Variants in VPS51 observed in about 807,000 individuals in gnomAD.
The protein encoded by VPS51 is vacuolar protein sorting-associated protein 51 homolog.
In VPS51, 55 loss-of-function variants were observed where a neutral mutation model predicts 65.1. The ratio of observed to expected loss-of-function variants is 0.84; its 90% CI spans 0.68 to 1.06. The LOEUF is 1.06. Ranked by LOEUF, VPS51 falls within the 50% of genes least tolerant of loss-of-function variation. VPS51 has a pLI of 0.00. For missense variants in VPS51, 943 were observed against 1,101.6 expected (o/e 0.86, Z 2.04); for synonymous variants, 473 against 489.5 (o/e 0.97, Z 0.44).
intron 7 of VPS51, 162 bp from the exon 8 acceptor site, chr11:65,110,320 T>G: frequency 8.0e-7 from 1 of 1,253,344 alleles, no homozygotes; most frequent in Admixed American, 2.0e-5. Flanking sequence ...CTCCACTGGT[T>G]CTATAAATAG....
chr11:65,098,766 A>T (rs1344896719), intron 2 of VPS51, among the ~76,000 whole-genome samples: 1 of 152,242 alleles, frequency 6.6e-6, no homozygotes, highest in Non-Finnish European at 1.5e-5. Context: ...GAATTTAATA[A>T]GATTACATTT....
intron 2 of VPS51, among the ~76,000 whole-genome samples, chr11:65,097,862 AAAG>A (rs1947781455): frequency 6.6e-6 from 1 of 151,702 alleles, no homozygotes. Context: ...GTCTCAAAAA[AAAG>A]AAAGTATCTA....
chr11:65,109,215 A>G, intron 5 of VPS51, 65 bp from the exon 6 acceptor site: 3 of 1,535,956 alleles, frequency 2.0e-6, no homozygotes, highest in Non-Finnish European at 2.7e-6. Context: ...GCCCCAGCAG[A>G]GGGTCATTAA....
In VPS51 at chr11:65,111,663, G is replaced by A. The variant is rs1372020877; in HGVS notation, c.*76G>A. On this transcript the variant is annotated 3_prime_UTR_variant, in exon 10 of 10. Coordinates refer to ENST00000279281, the MANE Select transcript of VPS51 (RefSeq NM_013265.4). ...GATCTGGTCTCGGTGGTCCTTCCCC[G>A]CAGGCAGGTGTCAGGACCGGCCTAA... 4.1e-6 allele frequency: 6 copies of A among 1,452,366 alleles called. No homozygotes were observed. The African/African-American group carries it at 6.2e-5, about 15-fold the overall frequency. The allele number at this position is 1,452,366 out of a possible 1,614,324, so 90.0% of individuals were successfully genotyped here. A position where few individuals can be genotyped will look rare whatever the true frequency, so the allele number is the denominator to read the frequency against.
In VPS51 at chr11:65,108,389, T is replaced by C. The variant is rs1356704705; in HGVS notation, c.918T>C (p.His306=). ...PAPDVLEFTD[H]GGSGFVGGLC... ...CCGACGTGTTAGAGTTCACCGACCATGGAGGCAGTGGCTTCGTGGGCGGCC... is the reference window on the plus strand; with the variant it reads ...CCGACGTGTTAGAGTTCACCGACCACGGAGGCAGTGGCTTCGTGGGCGGCC... The change falls in exon 5 of 10, where the codon CAT becomes CAC. Residue 306 remains histidine, a synonymous_variant. Coordinates refer to ENST00000279281, the MANE Select transcript of VPS51 (RefSeq NM_013265.4). 2 of 1,612,308 alleles carry C rather than the reference T, an allele frequency of 1.2e-6. No individual in the cohort carries two copies. The highest frequency in any genetic ancestry group is 2.2e-5 in the East Asian group (1 of 44,862).
rs922519686 is a variant in VPS51 at position 65,107,190 on chromosome 11, G to C, written c.359-391G>C. The C allele has an allele frequency of 2.1e-6, 1 of 477,200 alleles. No individual in the cohort carries two copies. Among genetic ancestry groups the C allele is most frequent in the African/African-American group, 2.0e-5 (1 of 51,034 alleles). The allele number at this position is 477,200 out of a possible 1,614,324, so 29.6% of individuals were successfully genotyped here. On this transcript the variant is annotated intron_variant, in intron 2 of 9. Transcript: ENST00000279281. This position sits in a 1 kb window ranked among gnomAD's most constrained non-coding sequence, Gnocchi z 4.0. ...AAGAATGTATTGCCTCATCCAGGCA[G>C]TGCGCTGGACACGCAGATGCGCTTG...
Position 65,108,734 on chromosome 11 carries a change from C to T in VPS51, c.1263C>T (p.Cys421=), listed in dbSNP as rs1947864418. 1 of 1,610,504 alleles carries T rather than the reference C, an allele frequency of 6.2e-7. No homozygotes were observed. Among genetic ancestry groups the T allele is most frequent in the African/African-American group, 1.3e-5 (1 of 74,876 alleles). The part of the protein sequence containing the change: ...LQGLRAAFLG[C]LTDVRQALAA... ...GTCTCCGGGCGGCCTTCCTGGGCTGCCTGACAGACGTCCGCCAGGCGCTGG... is the reference window on the plus strand; with the variant it reads ...GTCTCCGGGCGGCCTTCCTGGGCTGTCTGACAGACGTCCGCCAGGCGCTGG... The change falls in exon 5 of 10, where the codon TGC becomes TGT. Residue 421 remains cysteine, a synonymous_variant. Coordinates refer to ENST00000279281, the MANE Select transcript of VPS51 (RefSeq NM_013265.4).
rs1312230270 is a variant in VPS51 at position 65,110,728 on chromosome 11, C to A, written c.2035C>A (p.Gln679Lys). ...PMDTNLLSNI[Q>K]KLFSERIDVF... ...GGACACCAACCTCTTGAGCAATATC[C>A]AGAAGCTATTCTCTGAACGTATTGA... The change falls in exon 9 of 10, where the codon CAG (glutamine) becomes AAG (lysine). Residue 679 changes from glutamine to lysine, a missense_variant. Physicochemically the swap from Gln to Lys is moderately conservative, Grantham distance 53 (BLOSUM62 1). Coordinates refer to ENST00000279281, the MANE Select transcript of VPS51 (RefSeq NM_013265.4). 4 of 1,614,038 alleles carry A rather than the reference C, an allele frequency of 2.5e-6. No individual in the cohort carries two copies. Among genetic ancestry groups the A allele is most frequent in the Non-Finnish European group, 3.4e-6 (4 of 1,180,034 alleles).
rs761285445 is a variant in VPS51, at chr11:65,096,222, C to A, written c.-29C>A. 6.6e-7 allele frequency: 1 copy of A among 1,520,576 alleles called. No homozygotes were observed. 94.2% of individuals were successfully genotyped at this position (1,520,576 alleles called of 1,614,324 possible). ...TCCTCCCCGTCCCCTTCCTTTCCAG[C>A]CTCACGCCCGTGGGCTGCAGTTGGA... On this transcript the variant is annotated 5_prime_UTR_variant, in exon 1 of 10. Transcript: ENST00000279281.
Position 65,111,794 on chromosome 11 carries a change from G to A in VPS51, c.*207G>A. ...GCCCGCGTCGGGTCCGCCCCCGAGC[G>A]CCGATTGGCTGGTGTGCTGGGCCCA... On this transcript the variant is annotated 3_prime_UTR_variant, in exon 10 of 10. Coordinates refer to ENST00000279281, the MANE Select transcript of VPS51 (RefSeq NM_013265.4). 1 of 1,013,966 alleles carries A rather than the reference G, an allele frequency of 9.9e-7. No homozygotes were observed. The highest frequency in any genetic ancestry group is 1.4e-6 in the Non-Finnish European group (1 of 714,630). 62.8% of individuals were successfully genotyped at this position (1,013,966 alleles called of 1,614,324 possible).
In VPS51 at chr11:65,107,921, C is replaced by T. The variant is rs1947854486; in HGVS notation, c.624C>T (p.Ala208=). ...QAVRYQGRAQ[A]VLQQYQHLPS... is the part of the protein sequence containing the mutation. ...TGCGCTACCAGGGCCGCGCGCAGGC[C>T]GTGCTGCAGCAGTACCAACACCTGC... is the stretch of plus-strand genomic sequence containing the variant. Residue 208 remains alanine, a synonymous_variant, in exon 4 of 10, where the codon GCC becomes GCT. Transcript: ENST00000279281. The surrounding 1 kb of genome is among the most constrained non-coding windows in gnomAD (Gnocchi z 4.0). 1.3e-6 allele frequency: 2 copies of T among 1,558,484 alleles called. No individual in the cohort carries two copies. The highest frequency in any genetic ancestry group is 1.2e-5 in the South Asian group (1 of 85,024).
chr11:65,104,195 C>T (rs890250030), intron 2 of VPS51, among the ~76,000 whole-genome samples: 1 of 152,194 alleles, frequency 6.6e-6, no homozygotes, highest in Non-Finnish European at 1.5e-5. Flanking sequence ...TCCCAAAGTG[C>T]TGGGATTACA....
In VPS51 at chr11:65,108,617, C is replaced by T. The variant is rs1169624423; in HGVS notation, c.1146C>T (p.Pro382=). Residue 382 remains proline (P), a synonymous_variant, in exon 5 of 10, where the codon CCC becomes CCT. Transcript: ENST00000279281. ...LDRFHRRLRA[P]GALLAAAGLA... ...GCTTCCACCGGCGCTTGCGGGCTCC[C>T]GGGGCCCTGCTGGCCGCTGCCGGGC... The T allele has an allele frequency of 9.8e-6, 15 of 1,528,536 alleles. No homozygotes were observed. The highest frequency in any genetic ancestry group is 7.2e-5 in the South Asian group (6 of 83,800). 94.7% of individuals were successfully genotyped at this position (1,528,536 alleles called of 1,614,324 possible).
Position 65,108,224 on chromosome 11 carries a change from G to C in VPS51, c.753G>C (p.Gln251His). 2 of 1,600,250 alleles carry C rather than the reference G, an allele frequency of 1.2e-6. No homozygotes were observed. The highest frequency in any genetic ancestry group is 1.7e-6 in the Non-Finnish European group (2 of 1,175,638). ...FREGGSGAPEQAECVELLLAL... is the reference protein window; with the variant it reads ...FREGGSGAPEHAECVELLLAL... ...AGGGCGGCTCAGGCGCCCCGGAGCA[G>C]GCAGAGTGCGTGGAGCTGCTGCTGG... Residue 251 changes from glutamine (Q) to histidine (H), a missense_variant, in exon 5 of 10, where the codon CAG becomes CAC. Around this residue, in one of 2 missense-constraint regions of VPS51, gnomAD observed 855 missense variants for 953.7 expected, o/e 0.90. Transcript: ENST00000279281.
chr11:65,106,474 G>A (rs913658753), intron 2 of VPS51, among the ~76,000 whole-genome samples: 4 of 152,128 alleles, frequency 2.6e-5, no homozygotes, highest in Non-Finnish European at 5.9e-5. Flanking sequence ...AGACCTCGTC[G>A]GGTGCGGTGG....
intron 2 of VPS51, among the ~76,000 whole-genome samples, chr11:65,101,762 C>CAAAAAAAAAAAAAAAAAAA (rs1165429983): frequency 7.6e-5 from 2 of 26,336 alleles, no homozygotes; most frequent in Non-Finnish European, 1.7e-4. Context: ...GACCTTGTCT[C>CAAAAAAAAAAAAAAAAAAA]AAAAAAAAAA....
In VPS51 at chr11:65,109,848, C is replaced by G. The variant is rs762041578; in HGVS notation, c.1803C>G (p.Leu601=). Residue 601 remains leucine, a synonymous_variant, in exon 7 of 10, where the codon CTC becomes CTG. Transcript: ENST00000279281. ...LRKSVETRDW[L]STLEPRNVRA... Reference sequence around the variant, plus strand: ...AGAGCGTGGAGACTCGCGACTGGCTCAGCACTCTGGAGCCCCGGAATGTGC... The same window carrying G: ...AGAGCGTGGAGACTCGCGACTGGCTGAGCACTCTGGAGCCCCGGAATGTGC... 2 of 1,612,030 alleles carry G rather than the reference C, an allele frequency of 1.2e-6. No homozygotes were observed. Among genetic ancestry groups the G allele is most frequent in the Non-Finnish European group, 8.5e-7 (1 of 1,179,656 alleles).
In VPS51 at chr11:65,107,347, C is replaced by G. The variant is rs1947848945; in HGVS notation, c.359-234C>G. On this transcript the variant is annotated intron_variant, in intron 2 of 9. Transcript: ENST00000279281. The surrounding 1 kb of genome is among the most constrained non-coding windows in gnomAD (Gnocchi z 4.0). ...TCTGAGGGCCGGCTCTCCTGGGCAC[C>G]AGGGTTAGGGGGTTACGGGGAGTAT... is the stretch of plus-strand genomic sequence containing the variant. 3.1e-6 allele frequency: 2 copies of G among 638,260 alleles called. No homozygotes were observed. Among genetic ancestry groups the G allele is most frequent in the African/African-American group, 3.6e-5 (2 of 55,830 alleles). The allele number at this position is 638,260 out of a possible 1,614,324, so 39.5% of individuals were successfully genotyped here. A position where few individuals can be genotyped will look rare whatever the true frequency, so the allele number is the denominator to read the frequency against.
chr11:65,100,779 CA>C (rs757656806), intron 2 of VPS51, among the ~76,000 whole-genome samples: 15 of 152,088 alleles, frequency 9.9e-5, no homozygotes, highest in Admixed American at 5.2e-4. Flanking sequence ...CTCCTGACCT[CA>C]AGTGATCCGC....
Sources: gnomAD v4.1 joint callset for allele counts (sites outside exome capture counted in the v4.1 genomes callset) on GRCh38, gnomAD v4.1.1 for gene constraint, gnomAD v4.1.1 regional missense constraint, Gnocchi (gnomAD v3.1) non-coding constraint, MANE v1.5 for transcripts, NCBI Gene and HGNC (gene_info 2026-07-23, HGNC 2026-07-21) for gene names.